The following DZIP1 variants were observed in gnomAD, a reference collection of about 807,000 sequenced individuals.
DZIP1 encodes cilium assembly protein DZIP1.
DZIP1 carries 97 observed loss-of-function variants against 107.6 expected under a neutral mutation model. That is an observed-to-expected ratio of 0.90 (90% CI 0.77 to 1.07). The LOEUF is 1.07. DZIP1 is among the 50% of genes least tolerant of loss of function. The pLI is 0.00. For missense variants in DZIP1, 1,035 were observed against 1,063.6 expected, an observed-to-expected ratio of 0.97 and a Z score of 0.37; for synonymous variants, 390 against 386.4, an observed-to-expected ratio of 1.01 and a Z score of -0.11.
At chr13:95,591,014 G>A (rs1383745493) in intron 16 of DZIP1, among the ~76,000 whole-genome samples, 1 of 151,412 alleles carries the variant, frequency 6.6e-6, no homozygotes, top group African/African-American at 2.4e-5. Context: ...GAGCATCAGA[G>A]GTGACTTCTT....
At chr13:95,624,967 T>C in intron 7 of DZIP1, 38 bp from the exon 8 acceptor site, 2 of 1,527,532 alleles carry the variant, frequency 1.3e-6, no homozygotes, top group Non-Finnish European at 1.8e-6. Context: ...AAAGTTCTGG[T>C]CTGAAGAAAA....
At chr13:95,617,317 T>C (rs537116927) in intron 10 of DZIP1, among the ~76,000 whole-genome samples, 14 of 152,182 alleles carry the variant, frequency 9.2e-5, no homozygotes, top group Non-Finnish European at 2.1e-4. Context: ...TGCACTGCTA[T>C]GGAGAAGGAG....
At chr13:95,584,957 G>T in intron 21 of DZIP1, 47 bp from the exon 22 acceptor site, 1 of 1,530,700 alleles carries the variant, frequency 6.5e-7, no homozygotes, top group Non-Finnish European at 8.9e-7. Context: ...AGAAAAAAAT[G>T]GTGTCCCTCA....
In DZIP1 at chr13:95,581,475, TAACC is replaced by T. The variant is rs2044011855; in HGVS notation, c.*755_*758del. 1 of 152,298 alleles carries T rather than the reference TAACC, an allele frequency of 6.6e-6. No homozygotes were observed. The allele number at this position is 152,298 out of a possible 1,614,324, so 9.4% of individuals were successfully genotyped here. On this transcript the variant is annotated 3_prime_UTR_variant, in exon 23 of 23. Coordinates refer to ENST00000376829, the MANE Select transcript of DZIP1 (RefSeq NM_198968.4). ...AAGATAAAGAATATGCTATATAAAATAACCAACCATTTAATAGTAACATGCTTAC... is the reference window on the plus strand; with the variant it reads ...AAGATAAAGAATATGCTATATAAAATAACCATTTAATAGTAACATGCTTAC...
chr13:95,637,683 A>G (rs1000872646), intron 5 of DZIP1, among the ~76,000 whole-genome samples: 26 of 151,922 alleles, frequency 1.7e-4, no homozygotes, highest in Middle Eastern at 3.4e-3. Context: ...GGACATAGCA[A>G]GAAGGTGGCT....
At chr13:95,617,625 G>T (rs950681325) in intron 10 of DZIP1, among the ~76,000 whole-genome samples, 20 of 144,866 alleles carry the variant, frequency 1.4e-4, no homozygotes, top group African/African-American at 5.0e-4. Context: ...AGAGGAAAAG[G>T]CCAGAATGTT....
intron 12 of DZIP1, among the ~76,000 whole-genome samples, chr13:95,609,798 C>A (rs992421758): frequency 6.6e-6 from 1 of 152,024 alleles, no homozygotes; most frequent in Non-Finnish European, 1.5e-5. Context: ...GAACAACAAC[C>A]CTCTTTCCCG....
Position 95,641,859 on chromosome 13 carries a change from C to T in DZIP1, c.37-4G>A. 1.8e-6 allele frequency: 2 copies of T among 1,088,316 alleles called. No individual in the cohort carries two copies. Among genetic ancestry groups the T allele is most frequent in the Admixed American group, 4.8e-5 (1 of 20,620 alleles). 67.4% of individuals were successfully genotyped at this position (1,088,316 alleles called of 1,614,324 possible). On this transcript the variant is annotated splice_polypyrimidine_tract_variant and splice_region_variant and intron_variant, in intron 4 of 22. Coordinates refer to ENST00000376829, the MANE Select transcript of DZIP1 (RefSeq NM_198968.4). The surrounding 1 kb of genome is among the most constrained non-coding windows in gnomAD (Gnocchi z 4.3). ...AGTAGACATGCTTCTGGAAGGGCTG[C>T]GGGGGGCACAAAGAGAGCGCGGCGG...
rs560228302 is a variant in DZIP1, at chr13:95,582,165, G to A, written c.*69C>T. ...AAGGCAGAAGCACTAGAATCATGGA[G>A]GCAAATTACTGAAACACTGTGATAC... On this transcript the variant is annotated 3_prime_UTR_variant, in exon 23 of 23. Transcript: ENST00000376829. 520 of 1,466,914 alleles carry A rather than the reference G, an allele frequency of 3.5e-4. No individual in the cohort carries two copies. Among genetic ancestry groups the A allele is most frequent in the Middle Eastern group, 1.9e-3 (11 of 5,762 alleles). The allele number at this position is 1,466,914 out of a possible 1,614,324, so 90.9% of individuals were successfully genotyped here.
intron 10 of DZIP1, among the ~76,000 whole-genome samples, chr13:95,614,524 A>G (rs1874799055): frequency 6.6e-6 from 1 of 152,220 alleles, no homozygotes; most frequent in African/African-American, 2.4e-5. Context: ...AAGGGATAAC[A>G]TCATTCTTAA....
chr13:95,643,867 G>A (rs927870118), intron 1 of DZIP1, among the ~76,000 whole-genome samples, 169 bp from the exon 2 acceptor site: 2 of 152,170 alleles, frequency 1.3e-5, no homozygotes, highest in Non-Finnish European at 2.9e-5. Context: ...CCCATGATCT[G>A]GGCCAAGGGC....
intron 10 of DZIP1, 93 bp from the exon 11 acceptor site, chr13:95,612,270 G>T: frequency 1.4e-6 from 2 of 1,411,862 alleles, no homozygotes; most frequent in East Asian, 2.3e-5. Context: ...TGCCTGTTTT[G>T]CTAGCCTGAT....
intron 20 of DZIP1, among the ~76,000 whole-genome samples, 175 bp from the exon 21 acceptor site, chr13:95,586,311 T>C (rs2044159455): frequency 6.6e-6 from 1 of 152,196 alleles, no homozygotes; most frequent in Non-Finnish European, 1.5e-5. Context: ...CACACAATCC[T>C]TAAAAAAATC....
intron 20 of DZIP1, 151 bp downstream of exon 20, chr13:95,587,388 A>G (rs2044188474): frequency 9.2e-6 from 9 of 977,668 alleles, no homozygotes; most frequent in Non-Finnish European, 3.0e-6. Context: ...AATGTGCTAA[A>G]CCCTGCCCAT....
At chr13:95,635,975 T>C (rs542335119) in intron 5 of DZIP1, among the ~76,000 whole-genome samples, 1 of 112,408 alleles carries the variant, frequency 8.9e-6, no homozygotes, top group African/African-American at 3.5e-5. Flanking sequence ...AGAGGGAAGG[T>C]AGGAAGAAGG....
chr13:95,635,429 T>A (rs1419885307), intron 5 of DZIP1, among the ~76,000 whole-genome samples: 3 of 152,100 alleles, frequency 2.0e-5, no homozygotes, highest in African/African-American at 7.2e-5. Context: ...ACTCTCAACC[T>A]CAAATGATCC....
rs1417621079 is a variant in DZIP1 at position 95,642,261 on chromosome 13, C to G, written c.-212-20G>C. 1.4e-5 allele frequency: 7 copies of G among 493,846 alleles called. No homozygotes were observed. Among genetic ancestry groups the G allele is most frequent in the Non-Finnish European group, 2.1e-5 (6 of 289,378 alleles). The allele number at this position is 493,846 out of a possible 1,614,324, so 30.6% of individuals were successfully genotyped here. ...AGAACCCTGCGGGACCAGAGAAGAC[C>G]TCTTGGACGAGCCCGAGTGGACACA... On this transcript the variant is annotated intron_variant, in intron 3 of 22. Transcript: ENST00000376829.
At chr13:95,636,263 C>A (rs983140475) in intron 5 of DZIP1, among the ~76,000 whole-genome samples, 2 of 151,082 alleles carry the variant, frequency 1.3e-5, no homozygotes, top group African/African-American at 2.4e-5. Context: ...AGGAATAGGG[C>A]CGGGTGCAGT....
chr13:95,634,588 C>T (rs1877579242), intron 5 of DZIP1, among the ~76,000 whole-genome samples: 1 of 152,172 alleles, frequency 6.6e-6, no homozygotes. Context: ...TCTACTTTTA[C>T]ACTGATTGAA....
Sources: gnomAD v4.1 joint callset for allele counts (sites outside exome capture counted in the v4.1 genomes callset) on GRCh38, gnomAD v4.1.1 for gene constraint, Gnocchi (gnomAD v3.1) non-coding constraint, MANE v1.5 for transcripts, NCBI Gene and HGNC (gene_info 2026-07-23, HGNC 2026-07-21) for gene names.